MYH7B: variants seen among roughly 807,000 people sequenced by gnomAD.
MYH7B encodes the protein myosin-7B.
Under a neutral mutation model 234.5 loss-of-function variants are expected in MYH7B, and 205 were observed. The observed-to-expected ratio is 0.87, with a 90% CI of 0.78 to 0.98. MYH7B has a LOEUF of 0.98. MYH7B is among the 50% of genes least tolerant of loss of function. The probability of loss-of-function intolerance (pLI) is 0.00; values close to 1 mark genes in which losing one functional copy is unlikely to be tolerated. For missense variants in MYH7B, 2,652 were observed against 2,633.4 expected (o/e 1.01, Z -0.15); for synonymous variants, 1,193 against 1,105.0 (o/e 1.08, Z -1.58).
intron 10 of MYH7B, among the ~76,000 whole-genome samples, chr20:34,983,298 C>CTTTTTTTTTT (rs57589264): frequency 1.1e-4 from 8 of 71,624 alleles, no homozygotes; most frequent in East Asian, 1.2e-3. Context: ...CTTTTCTTTT[C>CTTTTTTTTTT]TTTTTTTTTT....
At chr20:34,997,543 T>C in exon 32 of MYH7B, 1 of 1,611,338 alleles carries the variant, frequency 6.2e-7, no homozygotes, top group Non-Finnish European at 8.5e-7. Context: ...GTGGACAGCC[T>C]GCAGCGGGTG....
intron 2 of MYH7B, among the ~76,000 whole-genome samples, chr20:34,974,082 G>C (rs1199439577): frequency 1.3e-5 from 2 of 152,098 alleles, no homozygotes; most frequent in African/African-American, 4.8e-5. Context: ...CTGCCACCAT[G>C]CCTGGCTAAT....
intron 2 of MYH7B, among the ~76,000 whole-genome samples, chr20:34,966,200 G>A (rs373994259): frequency 2.7e-4 from 41 of 152,198 alleles, no homozygotes; most frequent in Non-Finnish European, 4.1e-4. Flanking sequence ...AGGGCCCTGT[G>A]ATAAGGTGGC....
chr20:34,986,963 G>A lies in MYH7B; in HGVS notation c.982G>A (p.Asp328Asn), dbSNP rs753160804. The change falls in exon 15 of 45, where the codon GAT becomes AAT. Residue 328 changes from aspartate (D) to asparagine (N), a missense_variant. By Grantham distance (23) the Asp-to-Asn change is conservative. This residue lies in a region of MYH7B where 2,279 missense variants were observed against 2,211.4 expected (regional missense o/e 1.03). Transcript: ENST00000262873. ...CGTCATCACCGTGGACAACATGAAT[G>A]ATGGGGAGGAGCTCATCGCCACCGA... is the stretch of plus-strand genomic sequence containing the variant. 11 of 1,613,900 alleles carry A rather than the reference G, an allele frequency of 6.8e-6. No individual in the cohort carries two copies. The South Asian group carries it at 9.9e-5, about 14-fold the overall frequency.
At chr20:34,992,858 C>T (rs577160882) in intron 24 of MYH7B, among the ~76,000 whole-genome samples, 78 of 152,296 alleles carry the variant, frequency 5.1e-4, no homozygotes, top group African/African-American at 1.6e-3. Flanking sequence ...GCGTGAGCCA[C>T]CGCACCCAGC....
Position 34,980,776 on chromosome 20 carries a change from C to T in MYH7B, c.499+42C>T, listed in dbSNP as rs776074381. On this transcript the variant is annotated intron_variant, in intron 8 of 44. Coordinates refer to ENST00000262873, the Ensembl canonical transcript of MYH7B. ...CTCCTCCCCAACCGCAGACCCCGAC[C>T]TCGGTCCCGGGAGGCCTCTGTAAGG... 5.6e-6 allele frequency: 9 copies of T among 1,600,670 alleles called. No individual in the cohort carries two copies. In the African/African-American group the frequency reaches 1.2e-4, roughly 21 times the overall value.
At chr20:34,980,033 A>C (rs1368487211) in intron 7 of MYH7B, 5 of 570,510 alleles carry the variant, frequency 8.8e-6, no homozygotes, top group African/African-American at 5.7e-5. Context: ...TTAGGGGAGC[A>C]GCTGTAGCAG....
intron 2 of MYH7B, among the ~76,000 whole-genome samples, chr20:34,968,259 C>A (rs2081761158): frequency 6.6e-6 from 1 of 152,170 alleles, no homozygotes; most frequent in Non-Finnish European, 1.5e-5. Flanking sequence ...CCTGCAGATG[C>A]AAAGCTGAAG....
At chr20:34,978,158 G>A in intron 5 of MYH7B, 62 bp downstream of exon 5, 4 of 1,590,832 alleles carry the variant, frequency 2.5e-6, no homozygotes, top group Non-Finnish European at 3.4e-6. Context: ...ACTCAGACCA[G>A]GAATTGGGAG....
chr20:35,001,482 C>T (rs1226087236), exon 43 of MYH7B: 2 of 1,610,604 alleles, frequency 1.2e-6, no homozygotes, highest in Admixed American at 1.7e-5. Flanking sequence ...GGTGGACAAG[C>T]TGCAGAGCAA....
intron 19 of MYH7B, 120 bp downstream of exon 19, chr20:34,988,382 G>T: frequency 8.8e-7 from 1 of 1,133,066 alleles, no homozygotes. Context: ...GTGACTGTGC[G>T]TTGCAGTAAG....
At chr20:34,998,554 TCAG>T (rs756935898) in exon 34 of MYH7B, 1 of 1,613,650 alleles carries the variant, frequency 6.2e-7, no homozygotes, top group South Asian at 1.1e-5. Context: ...GTCTGATCAG[TCAG>T]CTGAGCCGTG....
exon 39 of MYH7B, chr20:35,000,655 A>C: frequency 2.5e-6 from 4 of 1,583,632 alleles, no homozygotes; most frequent in Non-Finnish European, 8.6e-7. Context: ...GAGCTTTTGG[A>C]GGCCACCGAG....
intron 2 of MYH7B, among the ~76,000 whole-genome samples, chr20:34,965,134 C>T (rs2081731221): frequency 6.6e-6 from 1 of 152,182 alleles, no homozygotes; most frequent in Non-Finnish European, 1.5e-5. Context: ...TCAAGTGACC[C>T]TCTTGCCTTG....
exon 23 of MYH7B, chr20:34,990,780 C>T (rs1253160360): frequency 1.2e-6 from 2 of 1,614,202 alleles, no homozygotes; most frequent in Non-Finnish European, 1.7e-6. Context: ...GGCCACACAG[C>T]CCCACTTCGT....
chr20:34,982,779 A>G (rs1282866611), intron 10 of MYH7B, among the ~76,000 whole-genome samples: 1 of 151,968 alleles, frequency 6.6e-6, no homozygotes, highest in African/African-American at 2.4e-5. Context: ...ATTGGTAAAC[A>G]TGGAGGGGTG....
At chr20:34,982,555 C>G (rs554955898) in exon 10 of MYH7B, 1 of 1,595,726 alleles carries the variant, frequency 6.3e-7, no homozygotes, top group African/African-American at 1.3e-5. Flanking sequence ...GCAAGAAGGC[C>G]GTAAGACTTG....
rs574090113 is a variant in MYH7B, at chr20:34,994,271, C to T, written c.2570C>T (p.Ala857Val). The change falls in exon 27 of 45, where the codon GCG (alanine) becomes GTG (valine). Residue 857 changes from alanine to valine, a missense_variant. This residue lies in a region of MYH7B where 2,279 missense variants were observed against 2,211.4 expected (regional missense o/e 1.03). Coordinates refer to ENST00000262873, the Ensembl canonical transcript of MYH7B. ...TCGGCGCAGGCTGAGGAGGAGCTGG[C>T]GGCCCTGCGGGCAGAGCTGCGGGGG... is the stretch of plus-strand genomic sequence containing the variant. The T allele has an allele frequency of 3.7e-5, 60 of 1,612,764 alleles. 1 individual carries two copies. Among genetic ancestry groups the T allele is most frequent in the African/African-American group, 6.7e-5 (5 of 75,062 alleles).
intron 37 of MYH7B, 38 bp from the exon 38 acceptor site, chr20:34,999,750 TCCC>T (rs61644803): frequency 3.8e-4 from 501 of 1,315,486 alleles, no homozygotes; most frequent in Admixed American, 1.0e-3. Context: ...CCACTGGCCA[TCCC>T]CCCCCCCCAC....
Sources: gnomAD v4.1 joint callset for allele counts (sites outside exome capture counted in the v4.1 genomes callset) on GRCh38, gnomAD v4.1.1 for gene constraint, gnomAD v4.1.1 regional missense constraint, MANE v1.5 for transcripts, NCBI Gene and HGNC (gene_info 2026-07-23, HGNC 2026-07-21) for gene names.